STS: variants seen among roughly 807,000 people sequenced by gnomAD.
STS encodes the protein steryl-sulfatase.
STS carries 7 observed loss-of-function variants against 26.8 expected under a neutral mutation model. That is an observed-to-expected ratio of 0.26 (90% CI 0.15 to 0.49). STS has a LOEUF of 0.49. STS is among the 20% of genes least tolerant of loss of function. The pLI is 0.98. For missense variants in STS, 434 were observed against 465.6 expected, an observed-to-expected ratio of 0.93 and a Z score of 0.63; for synonymous variants, 199 against 189.4, an observed-to-expected ratio of 1.05 and a Z score of -0.42.
chrX:7,264,067 G>A (rs868864792), intron 6 of STS, among the ~76,000 whole-genome samples: 2 of 111,783 alleles, frequency 1.8e-5, no homozygotes, highest in African/African-American at 3.3e-5. Flanking sequence ...GATTTTCACA[G>A]GTTTGGGCTG....
At chrX:7,295,431 TATC>T (rs1318779775) in intron 7 of STS, among the ~76,000 whole-genome samples, 1 of 111,406 alleles carries the variant, frequency 9.0e-6, no homozygotes, top group African/African-American at 3.3e-5. Context: ...TCATTATTAT[TATC>T]ATTATTGTTA....
intron 1 of STS, among the ~76,000 whole-genome samples, chrX:7,183,768 G>A (rs1056089609): frequency 6.3e-5 from 7 of 111,638 alleles, no homozygotes; most frequent in Non-Finnish European, 1.1e-4. Context: ...CTGGGAGGCC[G>A]AGGTGGGTAG....
chrX:7,175,461 T>C (rs918909540), intron 1 of STS, among the ~76,000 whole-genome samples: 2 of 108,382 alleles, frequency 1.8e-5, no homozygotes, highest in African/African-American at 6.8e-5. Context: ...GCCACTGGAC[T>C]CCAGCCTAGG....
At chrX:7,338,464 A>C (rs1174003274) in intron 10 of STS, among the ~76,000 whole-genome samples, 1 of 112,288 alleles carries the variant, frequency 8.9e-6, no homozygotes, top group Non-Finnish European at 1.9e-5. Context: ...ATGGAATCTT[A>C]GCATCATGTA....
intron 8 of STS, among the ~76,000 whole-genome samples, chrX:7,317,285 GT>G (rs56896506): frequency 3.4e-4 from 35 of 104,194 alleles, no homozygotes; most frequent in African/African-American, 4.9e-4. Flanking sequence ...TCCTTCACCT[GT>G]TTTTTTTTTT....
chrX:7,171,703 G>A (rs1459769171), intron 1 of STS, among the ~76,000 whole-genome samples: 3 of 111,545 alleles, frequency 2.7e-5, no homozygotes, highest in African/African-American at 9.8e-5. Flanking sequence ...CCTGACGACT[G>A]CCCAGACATT....
At chrX:7,303,471 A>C (rs1442770888) in intron 7 of STS, among the ~76,000 whole-genome samples, 1 of 111,125 alleles carries the variant, frequency 9.0e-6, no homozygotes, top group Non-Finnish European at 1.9e-5. Flanking sequence ...GCATGCAGAC[A>C]GGGGCTTGCA....
At chrX:7,287,153 A>G (rs150871952) in intron 7 of STS, among the ~76,000 whole-genome samples, 2,438 of 111,169 alleles carry the variant, frequency 0.022, 32 homozygotes, top group Non-Finnish European at 0.035. Context: ...GAAGTCACTG[A>G]GAGCTAAGGT....
chrX:7,307,553 A>G (rs1271378716), intron 8 of STS, among the ~76,000 whole-genome samples: 1 of 111,982 alleles, frequency 8.9e-6, no homozygotes, highest in East Asian at 2.8e-4. Flanking sequence ...AGGCAAAGTC[A>G]TAAGTCTATA....
chrX:7,312,025 TCAAACAAACAAA>T (rs1178006300), intron 8 of STS, among the ~76,000 whole-genome samples: 1 of 110,625 alleles, frequency 9.0e-6, no homozygotes, highest in African/African-American at 3.3e-5. Context: ...AGACCCTGTC[TCAAACAAACAAA>T]CAAACAAACA....
intron 1 of STS, among the ~76,000 whole-genome samples, chrX:7,178,771 A>G (rs1375093427): frequency 2.7e-5 from 3 of 110,809 alleles, no homozygotes; most frequent in Admixed American, 9.6e-5. Context: ...GAAAGTGATA[A>G]TGGGCTCTCT....
At position 7,331,710 on chromosome X, in the gene STS, C is replaced by T. The variant is rs186117646; in HGVS notation, c.1242-2276C>T. Among the ~76,000 whole-genome samples, 5 of 110,635 alleles carry T rather than the reference C, an allele frequency of 4.5e-5. No individual in the cohort carries two copies. The East Asian group carries it at 1.4e-3, about 32-fold the overall frequency. On this transcript the variant is annotated intron_variant, in intron 9 of 10. Transcript: ENST00000674429. ...TGGTTTAAGACAATCCCAAATATTT[C>T]GATAGCTTAGACACCACTTAAAAGT...
chrX:7,280,416 C>T (rs1924801842), intron 7 of STS, among the ~76,000 whole-genome samples: 1 of 111,928 alleles, frequency 8.9e-6, no homozygotes, highest in South Asian at 3.7e-4. Context: ...GGCACACCCA[C>T]AGTGGAATTC....
At chrX:7,171,793 G>A (rs1464133846) in intron 1 of STS, among the ~76,000 whole-genome samples, 1 of 111,908 alleles carries the variant, frequency 8.9e-6, no homozygotes, top group Admixed American at 9.5e-5. Context: ...AGATCCATTG[G>A]AGGGATCAGT....
intron 8 of STS, among the ~76,000 whole-genome samples, chrX:7,317,514 G>A (rs773696036): frequency 9.0e-6 from 1 of 111,587 alleles, no homozygotes; most frequent in African/African-American, 3.3e-5. Flanking sequence ...TGTCACCCAG[G>A]CTAGGGTGCA....
chrX:7,293,614 T>A (rs1454628786), intron 7 of STS, among the ~76,000 whole-genome samples: 2 of 111,588 alleles, frequency 1.8e-5, no homozygotes, highest in African/African-American at 6.5e-5. Flanking sequence ...TATTCTTGAT[T>A]TTAAATGTAT....
intron 10 of STS, among the ~76,000 whole-genome samples, chrX:7,335,220 A>T (rs1367600599): frequency 8.9e-6 from 1 of 112,276 alleles, no homozygotes; most frequent in Non-Finnish European, 1.9e-5. Flanking sequence ...TTACACTCCC[A>T]CCAACAGTGT....
intron 2 of STS, among the ~76,000 whole-genome samples, chrX:7,241,197 C>G (rs1216297503): frequency 1.8e-5 from 2 of 111,706 alleles, no homozygotes; most frequent in African/African-American, 6.5e-5. Context: ...CTGAGTGGCT[C>G]TCTGAGTGGC....
chrX:7,286,963 A>G (rs556228619), intron 7 of STS, among the ~76,000 whole-genome samples: 11 of 112,213 alleles, frequency 9.8e-5, no homozygotes, highest in African/African-American at 2.6e-4. Flanking sequence ...ACATATGTCA[A>G]CATTTTCTAT....
Sources: gnomAD v4.1 joint callset for allele counts (sites outside exome capture counted in the v4.1 genomes callset) on GRCh38, gnomAD v4.1.1 for gene constraint, MANE v1.5 for transcripts, NCBI Gene and HGNC (gene_info 2026-07-23, HGNC 2026-07-21) for gene names.